The following FMN1 variants were observed in gnomAD, a reference collection of about 807,000 sequenced individuals.
FMN1 encodes formin-1.
Under a neutral mutation model 132.4 loss-of-function variants are expected in FMN1, and 110 were observed. The observed-to-expected ratio is 0.83, with a 90% CI of 0.71 to 0.97. The LOEUF (loss-of-function observed/expected upper bound fraction) is 0.97, where lower values mean the gene tolerates loss of function less well. FMN1 is among the 50% of genes least tolerant of loss of function. The probability of loss-of-function intolerance (pLI) is 0.00; values close to 1 mark genes in which losing one functional copy is unlikely to be tolerated. For synonymous variants in FMN1, 722 were observed against 651.7 expected (o/e 1.11, Z -1.64); for missense variants, 1,792 against 1,705.3 (o/e 1.05, Z -0.90).
intron 9 of FMN1, among the ~76,000 whole-genome samples, chr15:32,929,978 T>A (rs866846630): frequency 2.1e-5 from 3 of 141,864 alleles, no homozygotes; most frequent in Admixed American, 1.5e-4. Context: ...GTTCTATTTT[T>A]AAATTTTTTT....
chr15:33,101,767 A>G (rs1361168211), intron 4 of FMN1, among the ~76,000 whole-genome samples: 3 of 152,118 alleles, frequency 2.0e-5, no homozygotes, highest in Non-Finnish European at 2.9e-5. Context: ...TAGACCTTCA[A>G]CAACTTCTTG....
chr15:32,935,960 TG>T (rs1191846571), intron 9 of FMN1, among the ~76,000 whole-genome samples: 1 of 152,116 alleles, frequency 6.6e-6, no homozygotes, highest in African/African-American at 2.4e-5. Flanking sequence ...CTCCTCTAAA[TG>T]GATCATTTCA....
chr15:33,015,524 G>T (rs72719366), intron 6 of FMN1, among the ~76,000 whole-genome samples: 2 of 152,018 alleles, frequency 1.3e-5, no homozygotes, highest in African/African-American at 4.8e-5. Context: ...CATCACACAC[G>T]CACATGACAT....
chr15:32,863,313 T>C (rs889905955), intron 16 of FMN1, among the ~76,000 whole-genome samples: 1 of 152,134 alleles, frequency 6.6e-6, no homozygotes, highest in Non-Finnish European at 1.5e-5. Flanking sequence ...GGCGGGCACC[T>C]GTAGTCCCAA....
chr15:32,924,391 T>C (rs1716762317), intron 10 of FMN1, among the ~76,000 whole-genome samples: 1 of 152,250 alleles, frequency 6.6e-6, no homozygotes, highest in African/African-American at 2.4e-5. Context: ...TCCCTAACAA[T>C]GCTCCCTTGA....
At chr15:32,924,478 C>A (rs980948671) in intron 10 of FMN1, among the ~76,000 whole-genome samples, 1 of 152,270 alleles carries the variant, frequency 6.6e-6, no homozygotes, top group South Asian at 2.1e-4. Flanking sequence ...TGCTGAGTAG[C>A]AAAGTCAAAC....
chr15:32,956,900 T>TA (rs1054619980), intron 9 of FMN1, among the ~76,000 whole-genome samples: 4 of 152,164 alleles, frequency 2.6e-5, no homozygotes, highest in African/African-American at 9.7e-5. Flanking sequence ...CCCTCCCCAA[T>TA]AAACTGAGAC....
At chr15:33,117,992 A>G (rs1178787647) in intron 4 of FMN1, among the ~76,000 whole-genome samples, 4 of 152,196 alleles carry the variant, frequency 2.6e-5, no homozygotes, top group Non-Finnish European at 5.9e-5. Context: ...GTTAATTTGC[A>G]AAGACTTTTG....
In FMN1 at chr15:33,079,665, T is replaced by C. The variant is rs117465030; in HGVS notation, c.2043+9134A>G. On this transcript the variant is annotated intron_variant, in intron 5 of 20. Coordinates refer to ENST00000616417, the MANE Select transcript of FMN1 (RefSeq NM_001277313.2). ...CTGTTAGCAGATTTGCCATTATCTT[T>C]CAATTTGTAGAGAAGTGTGAGAACT... 5.7e-3 allele frequency among the ~76,000 whole-genome samples: 868 copies of C among 152,372 alleles called. 3 individuals carry two copies. The highest frequency in any genetic ancestry group is 9.5e-3 in the Non-Finnish European group (645 of 68,044).
intron 4 of FMN1, among the ~76,000 whole-genome samples, chr15:33,122,388 T>C (rs1179589490): frequency 6.6e-6 from 1 of 152,202 alleles, no homozygotes; most frequent in Non-Finnish European, 1.5e-5. Flanking sequence ...TCCCAAAAAG[T>C]ACATGCCTGG....
intron 2 of FMN1, among the ~76,000 whole-genome samples, chr15:33,192,242 AT>A (rs1966105074): frequency 6.6e-6 from 1 of 152,184 alleles, no homozygotes; most frequent in Non-Finnish European, 1.5e-5. Flanking sequence ...GCATTTCTCA[AT>A]TTTCTATCAA....
chr15:32,976,092 A>G (rs1299739352), intron 7 of FMN1, among the ~76,000 whole-genome samples: 1 of 152,074 alleles, frequency 6.6e-6, no homozygotes, highest in Non-Finnish European at 1.5e-5. Flanking sequence ...GTTGTTAAAA[A>G]CATTCTCTCT....
At chr15:33,020,752 A>C (rs2035376557) in intron 6 of FMN1, among the ~76,000 whole-genome samples, 1 of 152,156 alleles carries the variant, frequency 6.6e-6, no homozygotes, top group African/African-American at 2.4e-5. Flanking sequence ...GAAACAGCAC[A>C]CATTTCCAAC....
intron 16 of FMN1, among the ~76,000 whole-genome samples, chr15:32,866,606 T>A (rs185871017): frequency 2.6e-5 from 4 of 152,310 alleles, no homozygotes; most frequent in Admixed American, 2.0e-4. Context: ...AAACAAATCA[T>A]GTTACAGTCT....
At chr15:33,055,788 G>A (rs1392514308) in intron 6 of FMN1, among the ~76,000 whole-genome samples, 2 of 152,010 alleles carry the variant, frequency 1.3e-5, no homozygotes, top group African/African-American at 2.4e-5. Context: ...GTAAAACTGA[G>A]AATTTATCCT....
At chr15:33,066,580 C>A in intron 5 of FMN1, 1 of 1,611,488 alleles carries the variant, frequency 6.2e-7, no homozygotes. Flanking sequence ...TTAGCGACTC[C>A]TTCTCATGTC....
intron 3 of FMN1, among the ~76,000 whole-genome samples, chr15:33,159,489 C>T (rs192496201): frequency 6.6e-6 from 1 of 152,278 alleles, no homozygotes; most frequent in Non-Finnish European, 1.5e-5. Flanking sequence ...TAGAAGGAAT[C>T]ATACAGTATA....
chr15:33,125,598 G>A (rs900160055), intron 4 of FMN1, among the ~76,000 whole-genome samples: 14 of 152,048 alleles, frequency 9.2e-5, no homozygotes, highest in African/African-American at 1.9e-4. Flanking sequence ...CCAGCACTTC[G>A]GAAGGCCAAG....
At chr15:32,921,601 T>C (rs1359175738) in intron 10 of FMN1, among the ~76,000 whole-genome samples, 1 of 152,212 alleles carries the variant, frequency 6.6e-6, no homozygotes, top group Non-Finnish European at 1.5e-5. Flanking sequence ...TGGATGCTGC[T>C]TGTGTTTCTT....
Sources: allele counts gnomAD v4.1 joint callset (sites outside exome capture counted in the v4.1 genomes callset), GRCh38; gene constraint gnomAD v4.1.1; transcripts MANE v1.5; gene names NCBI Gene and HGNC (gene_info 2026-07-23, HGNC 2026-07-21).